Variants in SHB observed in about 807,000 individuals in gnomAD.
The protein encoded by SHB is SH2 domain-containing adapter protein B.
SHB carries 20 observed loss-of-function variants against 52.3 expected under a neutral mutation model. The observed-to-expected ratio is 0.38, with a 90% CI of 0.27 to 0.56. The LOEUF (loss-of-function observed/expected upper bound fraction) is 0.56, where lower values mean the gene tolerates loss of function less well. Among genes scored for constraint, SHB ranks in the 20% least tolerant of loss-of-function variants. The pLI is 0.71. For missense variants in SHB, 825 were observed against 723.3 expected (o/e 1.14, Z -1.61); for synonymous variants, 397 against 316.5 (o/e 1.25, Z -2.70).
chr9:38,021,439 T>C (rs1821281565), intron 1 of SHB, among the ~76,000 whole-genome samples: 1 of 152,090 alleles, frequency 6.6e-6, no homozygotes, highest in South Asian at 2.1e-4. Flanking sequence ...GCAGATAACC[T>C]GAGGTCAGAT....
chr9:37,963,855 T>C (rs1405640751), intron 3 of SHB, among the ~76,000 whole-genome samples: 2 of 152,230 alleles, frequency 1.3e-5, no homozygotes, highest in African/African-American at 4.8e-5. Context: ...AATGGGCCTC[T>C]GCTGTTTCAG....
intron 2 of SHB, among the ~76,000 whole-genome samples, chr9:37,975,309 C>G (rs920194321): frequency 6.6e-6 from 1 of 152,194 alleles, no homozygotes; most frequent in African/African-American, 2.4e-5. Flanking sequence ...CTCACACATT[C>G]ATTTAAAAGA....
chr9:37,951,376 T>C (rs1331876211), intron 4 of SHB, among the ~76,000 whole-genome samples: 1 of 152,208 alleles, frequency 6.6e-6, no homozygotes, highest in Non-Finnish European at 1.5e-5. Flanking sequence ...GTAAAACATT[T>C]CCTGAGACAT....
intron 2 of SHB, among the ~76,000 whole-genome samples, chr9:37,992,796 C>T (rs781002380): frequency 6.6e-6 from 1 of 152,160 alleles, no homozygotes; most frequent in Non-Finnish European, 1.5e-5. Flanking sequence ...GGGTGCCTGC[C>T]ACCAGAATCA....
intron 5 of SHB, among the ~76,000 whole-genome samples, chr9:37,930,620 C>T (rs1036254258): frequency 2.0e-5 from 3 of 152,256 alleles, no homozygotes; most frequent in East Asian, 1.9e-4. Context: ...AGCAATGAAG[C>T]GGACTCACTA....
intron 1 of SHB, among the ~76,000 whole-genome samples, chr9:38,050,906 C>T (rs538451320): frequency 1.3e-5 from 2 of 152,056 alleles, no homozygotes; most frequent in East Asian, 1.9e-4. Flanking sequence ...AGAAAACACA[C>T]AAAAAAGAAC....
At chr9:37,993,804 GA>G (rs1467717123) in intron 2 of SHB, among the ~76,000 whole-genome samples, 1 of 152,192 alleles carries the variant, frequency 6.6e-6, no homozygotes, top group African/African-American at 2.4e-5. Context: ...GGAGTTACCT[GA>G]ACTTTGGAAT....
At chr9:37,968,617 G>A (rs554782966) in intron 3 of SHB, among the ~76,000 whole-genome samples, 1 of 152,346 alleles carries the variant, frequency 6.6e-6, no homozygotes, top group East Asian at 1.9e-4. Context: ...ATGGTGAATC[G>A]AAATGAGATG....
chr9:38,068,463 G>C lies in SHB; in HGVS notation c.183C>G (p.Ser61=). 1 of 1,520,930 alleles carries C rather than the reference G, an allele frequency of 6.6e-7. No homozygotes were observed. Among genetic ancestry groups the C allele is most frequent in the Non-Finnish European group, 8.8e-7 (1 of 1,139,512 alleles). The allele number at this position is 1,520,930 out of a possible 1,614,324, so 94.2% of individuals were successfully genotyped here. Residue 61 remains serine (S), a synonymous_variant, in exon 1 of 6, where the codon TCC becomes TCG. Transcript: ENST00000377707. ...ASASCGPATA[S]CFSASSGSLP... ...GCGAGCCCGAAGAGGCTGAGAAGCA[G>C]GAGGCGGTGGCCGGACCGCAGGACG... is the stretch of plus-strand genomic sequence containing the variant.
intron 1 of SHB, among the ~76,000 whole-genome samples, chr9:38,060,980 A>G (rs1315736537): frequency 6.6e-6 from 1 of 152,224 alleles, no homozygotes; most frequent in East Asian, 1.9e-4. Context: ...TTGCTCAGTC[A>G]GCACAGGCCA....
At chr9:37,971,771 A>G (rs1820592753) in intron 3 of SHB, among the ~76,000 whole-genome samples, 1 of 152,230 alleles carries the variant, frequency 6.6e-6, no homozygotes, top group African/African-American at 2.4e-5. Flanking sequence ...GTGGGCTCAG[A>G]AACTCATTCT....
chr9:37,948,363 C>T (rs1027985937), intron 5 of SHB, among the ~76,000 whole-genome samples: 4 of 152,186 alleles, frequency 2.6e-5, no homozygotes, highest in Non-Finnish European at 5.9e-5. Context: ...CGTACCACCC[C>T]GGCTCACAGC....
At chr9:38,036,663 T>C (rs1020916917) in intron 1 of SHB, among the ~76,000 whole-genome samples, 1 of 152,186 alleles carries the variant, frequency 6.6e-6, no homozygotes, top group African/African-American at 2.4e-5. Flanking sequence ...CTGGAGAGTC[T>C]CTGAGCCCCA....
chr9:37,988,689 T>A (rs1820841498), intron 2 of SHB, among the ~76,000 whole-genome samples: 1 of 152,172 alleles, frequency 6.6e-6, no homozygotes, highest in Non-Finnish European at 1.5e-5. Context: ...AGATAGTTCG[T>A]CAAATATTAT....
At chr9:37,972,334 T>A (rs1820599490) in intron 3 of SHB, among the ~76,000 whole-genome samples, 1 of 152,258 alleles carries the variant, frequency 6.6e-6, no homozygotes, top group Non-Finnish European at 1.5e-5. Context: ...AGACCTTGGG[T>A]TCCTTTGGTT....
At chr9:37,923,400 G>A (rs1302875083) in intron 5 of SHB, among the ~76,000 whole-genome samples, 1 of 152,228 alleles carries the variant, frequency 6.6e-6, no homozygotes, top group East Asian at 1.9e-4. Flanking sequence ...GAAATGGCAT[G>A]TTCTGATTGG....
intron 5 of SHB, among the ~76,000 whole-genome samples, chr9:37,924,251 G>T (rs1156899358): frequency 6.6e-6 from 1 of 152,144 alleles, no homozygotes; most frequent in Non-Finnish European, 1.5e-5. Context: ...AAATGTGCCG[G>T]GCACGCAGGG....
At chr9:37,941,569 T>C (rs1469187514) in intron 5 of SHB, among the ~76,000 whole-genome samples, 1 of 152,130 alleles carries the variant, frequency 6.6e-6, no homozygotes, top group Non-Finnish European at 1.5e-5. Flanking sequence ...TGCTGAGCAG[T>C]GTGGGGGTCC....
intron 3 of SHB, among the ~76,000 whole-genome samples, chr9:37,968,200 G>A (rs2117949740): frequency 6.6e-6 from 1 of 152,304 alleles, no homozygotes; most frequent in East Asian, 1.9e-4. Context: ...TGATCCTTTA[G>A]GGCTTACCAT....
Sources: allele counts gnomAD v4.1 joint callset (sites outside exome capture counted in the v4.1 genomes callset), GRCh38; gene constraint gnomAD v4.1.1; transcripts MANE v1.5; gene names NCBI Gene and HGNC (gene_info 2026-07-23, HGNC 2026-07-21).